Variants in DCAF7 observed in about 807,000 individuals in gnomAD.
DCAF7 encodes the protein DDB1 and CUL4 associated factor 7, also known as DDB1- and CUL4-associated factor 7.
DCAF7 carries 4 observed loss-of-function variants against 41.2 expected under a neutral mutation model. The ratio of observed to expected loss-of-function variants is 0.10; its 90% CI spans 0.05 to 0.22. DCAF7 has a LOEUF of 0.22. DCAF7 is among the 10% of genes least tolerant of loss of function. The pLI is 1.00. For synonymous variants in DCAF7, 143 were observed against 164.2 expected (o/e 0.87, Z 0.99); for missense variants, 131 against 443.2 (o/e 0.30, Z 6.32).
chr17:63,579,545 T>C, intron 3 of DCAF7, 97 bp downstream of exon 3: 2 of 904,790 alleles, frequency 2.2e-6, no homozygotes, highest in South Asian at 3.1e-5. Context: ...CAAGGCTCAG[T>C]GGGAAGTAGG....
intron 1 of DCAF7, among the ~76,000 whole-genome samples, chr17:63,572,080 G>A (rs1164980705): frequency 1.3e-5 from 2 of 152,160 alleles, no homozygotes; most frequent in African/African-American, 4.8e-5. Context: ...TTAGAGATAA[G>A]CACTGAAAGA....
chr17:63,555,780 G>T (rs1015579545), intron 1 of DCAF7, among the ~76,000 whole-genome samples: 3 of 152,180 alleles, frequency 2.0e-5, no homozygotes, highest in Non-Finnish European at 2.9e-5. Context: ...GGATAAAAGT[G>T]ATAATGCTTT....
At chr17:63,581,751 A>C (rs560562646) in intron 4 of DCAF7, among the ~76,000 whole-genome samples, 12 of 152,342 alleles carry the variant, frequency 7.9e-5, no homozygotes, top group African/African-American at 2.9e-4. Flanking sequence ...TGAAGGAATA[A>C]ACCTGAGAAA....
In DCAF7 at chr17:63,550,650, C is replaced by T. The variant is rs1391786426; in HGVS notation, c.-28C>T. On this transcript the variant is annotated 5_prime_UTR_variant, in exon 1 of 7. Transcript: ENST00000614556. This position sits in a 1 kb window ranked among gnomAD's most constrained non-coding sequence, Gnocchi z 4.8. Reference sequence around the variant, plus strand: ...CGCCCGCCGCAGCCCACTGTTGACCCGGCCCGTACTGCGGCCCCGTGGCCA... The same window carrying T: ...CGCCCGCCGCAGCCCACTGTTGACCTGGCCCGTACTGCGGCCCCGTGGCCA... 2.5e-6 allele frequency: 4 copies of T among 1,610,082 alleles called. No individual in the cohort carries two copies. Among genetic ancestry groups the T allele is most frequent in the Admixed American group, 3.3e-5 (2 of 59,954 alleles).
intron 1 of DCAF7, among the ~76,000 whole-genome samples, chr17:63,568,174 C>A (rs560426199): frequency 2.0e-5 from 3 of 152,182 alleles, no homozygotes; most frequent in Non-Finnish European, 4.4e-5. Context: ...GCATGCACCA[C>A]CTCACCCAGC....
intron 1 of DCAF7, among the ~76,000 whole-genome samples, chr17:63,578,247 C>T (rs959499152): frequency 5.9e-5 from 9 of 152,068 alleles, no homozygotes; most frequent in Admixed American, 2.6e-4. Flanking sequence ...GCCTCTAACC[C>T]CAGCTACTTG....
chr17:63,580,676 C>G (rs371587077), intron 4 of DCAF7, among the ~76,000 whole-genome samples: 152,067 of 152,074 alleles, frequency 1, 76,030 homozygotes, highest in Middle Eastern at 1. Context: ...CCGCAACCAC[C>G]CCTGGCTAAT....
chr17:63,566,526 TTAAA>T (rs1181702191), intron 1 of DCAF7, among the ~76,000 whole-genome samples: 2 of 152,154 alleles, frequency 1.3e-5, no homozygotes, highest in African/African-American at 2.4e-5. Context: ...AACTGAATAG[TTAAA>T]TAAATTATGG....
At chr17:63,564,750 C>T (rs1282269704) in intron 1 of DCAF7, among the ~76,000 whole-genome samples, 2 of 152,244 alleles carry the variant, frequency 1.3e-5, no homozygotes, top group African/African-American at 4.8e-5. Flanking sequence ...CAGGCCCATG[C>T]ACCTGTCTCG....
intron 1 of DCAF7, among the ~76,000 whole-genome samples, chr17:63,561,509 A>T (rs2147762217): frequency 6.6e-6 from 1 of 152,234 alleles, no homozygotes; most frequent in Admixed American, 6.5e-5. Context: ...CATTGGGCCC[A>T]GGAGTTTGAG....
intron 1 of DCAF7, among the ~76,000 whole-genome samples, chr17:63,570,386 G>A (rs562947615): frequency 1.2e-4 from 19 of 152,028 alleles, no homozygotes; most frequent in Non-Finnish European, 2.1e-4. Context: ...CCTGGGAAGC[G>A]GAGGTTGCAG....
At chr17:63,586,558 G>C (rs932023315) in intron 6 of DCAF7, among the ~76,000 whole-genome samples, 1 of 152,096 alleles carries the variant, frequency 6.6e-6, no homozygotes. Context: ...GAGGTCAGGA[G>C]ATCAAGACCA....
intron 4 of DCAF7, 64 bp from the exon 5 acceptor site, chr17:63,583,438 T>G: frequency 1.4e-6 from 2 of 1,448,526 alleles, no homozygotes; most frequent in Non-Finnish European, 1.9e-6. Flanking sequence ...GTGGCAGATT[T>G]CCCTCCTATA....
At chr17:63,588,504 A>T (rs769938023) in intron 6 of DCAF7, among the ~76,000 whole-genome samples, 49 of 149,142 alleles carry the variant, frequency 3.3e-4, no homozygotes, top group Non-Finnish European at 4.7e-4. Flanking sequence ...GCCAGGAAAG[A>T]ATTTTTTAAC....
At position 63,550,907 on chromosome 17, in the gene DCAF7, T is replaced by G. The variant is rs2033244454; in HGVS notation, c.138+92T>G. 1.3e-6 allele frequency: 2 copies of G among 1,522,878 alleles called. No homozygotes were observed. The highest frequency in any genetic ancestry group is 2.8e-5 in the African/African-American group (2 of 72,552). 94.3% of individuals were successfully genotyped at this position (1,522,878 alleles called of 1,614,324 possible). On this transcript the variant is annotated intron_variant, in intron 1 of 6. Transcript: ENST00000614556. This position sits in a 1 kb window ranked among gnomAD's most constrained non-coding sequence, Gnocchi z 4.8. ...CGGAGCCCAGGCCTCAGAACCCTCT[T>G]GCGGACTCGCCCTAGGGCCACGGAG...
chr17:63,562,384 G>C (rs1161695730), intron 1 of DCAF7, among the ~76,000 whole-genome samples: 1 of 151,958 alleles, frequency 6.6e-6, no homozygotes, highest in Non-Finnish European at 1.5e-5. Flanking sequence ...GGGTGCGCAC[G>C]GACACTCATT....
chr17:63,573,922 C>T lies in DCAF7; in HGVS notation c.139-4548C>T, dbSNP rs189566734. 2.5e-3 allele frequency among the ~76,000 whole-genome samples: 374 copies of T among 152,200 alleles called. 4 individuals are homozygous for T. Among genetic ancestry groups the T allele is most frequent in the Non-Finnish European group, 3.2e-4 (22 of 68,016 alleles). ...GCCACCTCCTTGATCCAGTCTGTCC[C>T]GCCCAGCACTACCAGATGTGTGGCC... On this transcript the variant is annotated intron_variant, in intron 1 of 6. Transcript: ENST00000614556.
At chr17:63,564,466 A>G (rs192873026) in intron 1 of DCAF7, among the ~76,000 whole-genome samples, 164 of 152,336 alleles carry the variant, frequency 1.1e-3, no homozygotes, top group Non-Finnish European at 2.0e-3. Context: ...CATTTTATTA[A>G]TAACCGAACA....
intron 1 of DCAF7, chr17:63,573,141 G>C (rs1197100852): frequency 1.3e-5 from 2 of 151,018 alleles, no homozygotes; most frequent in Non-Finnish European, 2.9e-5. Flanking sequence ...GTTGTTGTGT[G>C]GGTACATAAT....
Sources: allele counts gnomAD v4.1 joint callset (sites outside exome capture counted in the v4.1 genomes callset), GRCh38; gene constraint gnomAD v4.1.1; non-coding constraint Gnocchi (gnomAD v3.1); transcripts MANE v1.5; gene names NCBI Gene and HGNC (gene_info 2026-07-23, HGNC 2026-07-21).